Variants in DOCK2 observed in about 807,000 individuals in gnomAD.
DOCK2 encodes dedicator of cytokinesis 2.
Under a neutral mutation model 248.9 loss-of-function variants are expected in DOCK2, and 87 were observed. The observed-to-expected ratio is 0.35, with a 90% CI of 0.29 to 0.42. The LOEUF is 0.42. Among genes scored for constraint, DOCK2 ranks in the 10% least tolerant of loss-of-function variants. The pLI is 1.00. For missense variants in DOCK2, 1,747 were observed against 2,300.2 expected, an observed-to-expected ratio of 0.76 and a Z score of 4.92; for synonymous variants, 805 against 821.6, an observed-to-expected ratio of 0.98 and a Z score of 0.35.
intron 26 of DOCK2, among the ~76,000 whole-genome samples, chr5:169,821,815 C>A (rs445189): frequency 0.28 from 42,512 of 152,044 alleles, 7,631 homozygotes; most frequent in African/African-American, 0.52. Flanking sequence ...TTAAAAGACA[C>A]AGACTGGCAA....
intron 27 of DOCK2, among the ~76,000 whole-genome samples, chr5:169,944,493 G>C (rs1206012832): frequency 6.6e-6 from 1 of 152,220 alleles, no homozygotes; most frequent in African/African-American, 2.4e-5. Context: ...GAGGGAGGGA[G>C]AGCAGCCAGG....
At chr5:170,075,647 A>G (rs1757814461) in intron 46 of DOCK2, 3 of 292,952 alleles carry the variant, frequency 1.0e-5, no homozygotes, top group Non-Finnish European at 6.5e-6. Context: ...GCCCCCAAGT[A>G]GATTCTTTAA....
At chr5:169,748,740 A>G (rs945840764) in intron 23 of DOCK2, among the ~76,000 whole-genome samples, 15 of 152,242 alleles carry the variant, frequency 9.9e-5, no homozygotes, top group Non-Finnish European at 1.9e-4. Flanking sequence ...AGAATCCACT[A>G]GTAAAATACC....
intron 22 of DOCK2, among the ~76,000 whole-genome samples, chr5:169,724,574 CCTGCACT>C (rs2113592008): frequency 6.6e-6 from 1 of 152,004 alleles, no homozygotes; most frequent in East Asian, 1.9e-4. Flanking sequence ...GTTCCACTGG[CCTGCACT>C]GGAGCTGCCA....
chr5:169,982,901 A>G (rs1157664710), intron 27 of DOCK2, among the ~76,000 whole-genome samples, 167 bp from the exon 28 acceptor site: 4 of 152,208 alleles, frequency 2.6e-5, no homozygotes, highest in African/African-American at 9.6e-5. Context: ...GAGGTAATGG[A>G]TCAGGTGTTA....
In DOCK2 at chr5:169,996,176, C is replaced by G. The variant is rs1754625331; in HGVS notation, c.3072+12C>G. On this transcript the variant is annotated intron_variant, in intron 30 of 51. Coordinates refer to ENST00000520908, the MANE Select transcript of DOCK2 (RefSeq NM_004946.3). ...ACTTTGAGTTCCAGGTGAGTATAAG[C>G]CACCAGAGCTACCCTTGGAGCTGCC... 6.2e-7 allele frequency: 1 copy of G among 1,613,112 alleles called. No homozygotes were observed. The highest frequency in any genetic ancestry group is 8.5e-7 in the Non-Finnish European group (1 of 1,179,488).
chr5:170,066,077 G>A (rs997696127), intron 44 of DOCK2, among the ~76,000 whole-genome samples: 78 of 150,012 alleles, frequency 5.2e-4, no homozygotes, highest in African/African-American at 1.8e-3. Flanking sequence ...TCAGCCTCCC[G>A]AGTAACTGGG....
intron 27 of DOCK2, among the ~76,000 whole-genome samples, chr5:169,956,713 T>C (rs1776881638): frequency 1.3e-5 from 2 of 152,226 alleles, no homozygotes; most frequent in Admixed American, 1.3e-4. Flanking sequence ...TGTTTATAAA[T>C]ACAAGCTTTG....
chr5:169,926,455 G>A (rs976951936), intron 27 of DOCK2, among the ~76,000 whole-genome samples: 2 of 152,154 alleles, frequency 1.3e-5, no homozygotes, highest in African/African-American at 4.8e-5. Context: ...TCGGATTATG[G>A]TCTGCATTGA....
chr5:169,802,611 T>C (rs1767071192), intron 25 of DOCK2, among the ~76,000 whole-genome samples: 2 of 152,180 alleles, frequency 1.3e-5, no homozygotes, highest in African/African-American at 4.8e-5. Flanking sequence ...GAGTAATATA[T>C]ACATCATGGT....
intron 5 of DOCK2, among the ~76,000 whole-genome samples, chr5:169,671,972 G>A (rs970030618): frequency 6.6e-6 from 1 of 151,840 alleles, no homozygotes; most frequent in Admixed American, 6.6e-5. Context: ...GCAATTTTTT[G>A]TTCATCTCCA....
intron 44 of DOCK2, among the ~76,000 whole-genome samples, chr5:170,062,636 G>A (rs1047089313): frequency 1.3e-5 from 2 of 152,138 alleles, no homozygotes; most frequent in African/African-American, 4.8e-5. Flanking sequence ...TAATTCTGAG[G>A]TTCTTCATGG....
At chr5:169,924,559 T>A (rs1775337703) in intron 27 of DOCK2, among the ~76,000 whole-genome samples, 1 of 152,136 alleles carries the variant, frequency 6.6e-6, no homozygotes, top group Non-Finnish European at 1.5e-5. Flanking sequence ...CAATTTAGAC[T>A]CTCACTGAAC....
At chr5:169,684,482 A>G (rs1759842741) in intron 8 of DOCK2, 132 bp downstream of exon 8, 1 of 1,246,848 alleles carries the variant, frequency 8.0e-7, no homozygotes. Flanking sequence ...GAATGTGGAA[A>G]TAACTTCTTT....
At chr5:169,820,904 C>T (rs2113234297) in intron 26 of DOCK2, among the ~76,000 whole-genome samples, 1 of 152,200 alleles carries the variant, frequency 6.6e-6, no homozygotes, top group Middle Eastern at 3.4e-3. Context: ...CTAGAATAAC[C>T]AATGCAGAGA....
At chr5:169,804,054 A>G (rs918489155) in intron 26 of DOCK2, among the ~76,000 whole-genome samples, 3 of 152,134 alleles carry the variant, frequency 2.0e-5, no homozygotes, top group East Asian at 1.9e-4. Flanking sequence ...TTTTCTAAGC[A>G]TTTGTGTGAG....
At chr5:169,747,309 A>T in intron 22 of DOCK2, 87 bp from the exon 23 acceptor site, 1 of 1,259,128 alleles carries the variant, frequency 7.9e-7, no homozygotes, top group Non-Finnish European at 1.1e-6. Context: ...TTTTGTTTTA[A>T]ATTTTAAATG....
intron 1 of DOCK2, among the ~76,000 whole-genome samples, chr5:169,652,973 A>G (rs1179639513): frequency 6.6e-6 from 1 of 152,180 alleles, no homozygotes; most frequent in East Asian, 1.9e-4. Flanking sequence ...GTAATTATGA[A>G]GAGGTGTACC....
chr5:169,922,631 C>T (rs1013567324), intron 27 of DOCK2, among the ~76,000 whole-genome samples: 1 of 152,200 alleles, frequency 6.6e-6, no homozygotes, highest in Non-Finnish European at 1.5e-5. Flanking sequence ...GGAGTTACCT[C>T]ATTTAACAGA....
Sources: gnomAD v4.1 joint callset for allele counts (sites outside exome capture counted in the v4.1 genomes callset) on GRCh38, gnomAD v4.1.1 for gene constraint, MANE v1.5 for transcripts, NCBI Gene and HGNC (gene_info 2026-07-23, HGNC 2026-07-21) for gene names.